Variants in ACTR3C observed in about 807,000 individuals in gnomAD.
ACTR3C encodes the protein actin related protein 3C, also known as actin-related protein 3C.
A neutral mutation model predicts 26.3 loss-of-function variants in ACTR3C; 18 were observed. The ratio of observed to expected loss-of-function variants is 0.68; its 90% confidence interval spans 0.47 to 1.01. ACTR3C has a LOEUF of 1.01. Among genes scored for constraint, ACTR3C ranks in the 50% least tolerant of loss-of-function variants. The pLI, the probability that ACTR3C is intolerant of heterozygous loss-of-function variation, is 0.00. For missense variants in ACTR3C, 184 were observed against 250.7 expected (o/e 0.73, Z 1.80); for synonymous variants, 55 against 94.5 (o/e 0.58, Z 2.42).
At chr7:150,120,130 C>G in the ACTR3C span, among the ~76,000 whole-genome samples, 1 of 152,108 alleles carries the variant, frequency 6.6e-6, no homozygotes, top group Non-Finnish European at 1.5e-5. Context: ...CATGAGAAAG[C>G]AAGAAAGGTC....
At chr7:150,047,374 G>A in the ACTR3C span, among the ~76,000 whole-genome samples, 1 of 152,062 alleles carries the variant, frequency 6.6e-6, no homozygotes, top group African/African-American at 2.4e-5. Flanking sequence ...CCCAAACCCC[G>A]CTCTCTCCAG....
At chr7:150,095,501 A>G in the ACTR3C span, among the ~76,000 whole-genome samples, 1 of 150,752 alleles carries the variant, frequency 6.6e-6, no homozygotes, top group Non-Finnish European at 1.5e-5. Flanking sequence ...AATCTGAAAA[A>G]TAGGCCTTTT....
chr7:149,929,051 T>C, the ACTR3C span, among the ~76,000 whole-genome samples: 2 of 152,112 alleles, frequency 1.3e-5, no homozygotes. Context: ...TAAAATAAAA[T>C]GTTAACTAAT....
chr7:149,886,329 G>A, the ACTR3C span, among the ~76,000 whole-genome samples: 1 of 152,170 alleles, frequency 6.6e-6, no homozygotes, highest in Non-Finnish European at 1.5e-5. Flanking sequence ...GCATTTTTGT[G>A]TTTCCTGTCG....
chr7:150,160,905 G>T, the ACTR3C span, among the ~76,000 whole-genome samples: 2 of 146,266 alleles, frequency 1.4e-5, no homozygotes, highest in African/African-American at 5.2e-5. Context: ...AGAAGGCAGA[G>T]AAATTACCTC....
At chr7:150,019,629 T>TAAA in the ACTR3C span, among the ~76,000 whole-genome samples, 13 of 147,168 alleles carry the variant, frequency 8.8e-5, no homozygotes, top group Non-Finnish European at 1.3e-4. Context: ...ATAATAATAA[T>TAAA]AATAAAATCT....
the ACTR3C span, among the ~76,000 whole-genome samples, chr7:150,100,517 G>T: frequency 1.1e-4 from 16 of 151,598 alleles, 1 homozygote; most frequent in Non-Finnish European, 2.2e-4. Flanking sequence ...TTCCACACTG[G>T]TTCTGACAAT....
the ACTR3C span, among the ~76,000 whole-genome samples, chr7:150,122,735 T>G: frequency 5.3e-5 from 8 of 152,188 alleles, no homozygotes; most frequent in South Asian, 4.1e-4. Context: ...ATCCCACTAC[T>G]GGGTATATAC....
At chr7:150,045,527 C>G in the ACTR3C span, among the ~76,000 whole-genome samples, 1 of 147,216 alleles carries the variant, frequency 6.8e-6, no homozygotes. Flanking sequence ...TATAAACACA[C>G]AATACACGCC....
chr7:150,146,432 CT>C, the ACTR3C span, among the ~76,000 whole-genome samples: 3 of 152,280 alleles, frequency 2.0e-5, no homozygotes, highest in Non-Finnish European at 4.4e-5. Context: ...TTCTCCTTTT[CT>C]TACCAATTTT....
the ACTR3C span, among the ~76,000 whole-genome samples, chr7:150,087,183 A>T: frequency 7.5e-3 from 579 of 77,180 alleles, 1 homozygote; most frequent in Non-Finnish European, 0.01. Flanking sequence ...GAATTTGTTT[A>T]AAAAAAAAAA....
At chr7:150,216,930 G>A in the ACTR3C span, among the ~76,000 whole-genome samples, 3 of 144,808 alleles carry the variant, frequency 2.1e-5, no homozygotes, top group Non-Finnish European at 4.5e-5. Flanking sequence ...AGGATGCAGT[G>A]AGCCAAGATC....
the ACTR3C span, among the ~76,000 whole-genome samples, chr7:150,203,294 C>T: frequency 9.2e-5 from 14 of 152,156 alleles, no homozygotes; most frequent in East Asian, 1.9e-4. Flanking sequence ...TTCAAGGGTT[C>T]CCTCTTTCCA....
the ACTR3C span, among the ~76,000 whole-genome samples, chr7:149,910,656 C>T: frequency 0.018 from 2,796 of 152,172 alleles, 71 homozygotes; most frequent in African/African-American, 0.063. Context: ...ACTGCTAACA[C>T]TAGCAGTGTT....
the ACTR3C span, among the ~76,000 whole-genome samples, chr7:150,036,044 AGG>A: frequency 8.6e-6 from 1 of 116,844 alleles, no homozygotes; most frequent in Non-Finnish European, 1.8e-5. Flanking sequence ...AGGTGGGAAG[AGG>A]GGCTCGCTCT....
chr7:150,171,310 G>A, the ACTR3C span, among the ~76,000 whole-genome samples: 1 of 149,732 alleles, frequency 6.7e-6, no homozygotes, highest in Non-Finnish European at 1.5e-5. Flanking sequence ...ATTTATAACA[G>A]CAAGATCGCT....
chr7:150,068,794 A>AC, the ACTR3C span, among the ~76,000 whole-genome samples: 1 of 150,790 alleles, frequency 6.6e-6, no homozygotes, highest in Non-Finnish European at 1.5e-5. Context: ...AAAAAAAAAA[A>AC]AAAAAAAACC....
the ACTR3C span, among the ~76,000 whole-genome samples, chr7:150,039,394 G>T: frequency 1.4e-5 from 1 of 71,480 alleles, no homozygotes; most frequent in South Asian, 4.6e-4. Context: ...AAGAACCCGG[G>T]GGGGAAGAGG....
Position 150,270,774 on chromosome 7 carries a change from G to A in ACTR3C, c.564+13979C>T, listed in dbSNP as rs528895530. Among the ~76,000 whole-genome samples the A allele has an allele frequency of 4.7e-3, 715 of 151,646 alleles. 2 individuals carry two copies. The highest frequency in any genetic ancestry group is 0.017 in the African/African-American group (688 of 41,226). On this transcript the variant is annotated intron_variant, in intron 6 of 7. Transcript: ENST00000683684. ...GAAATCTGGTACCCACCTGGCCCTG[G>A]TTTCTCTCTTTCCTTGGCACTGCTC... is the stretch of plus-strand genomic sequence containing the variant.
Sources: allele counts gnomAD v4.1 joint callset (sites outside exome capture counted in the v4.1 genomes callset), GRCh38; gene constraint gnomAD v4.1.1; transcripts MANE v1.5; gene names NCBI Gene and HGNC (gene_info 2026-07-23, HGNC 2026-07-21).